The following LIMCH1 variants were observed in gnomAD, a reference collection of about 807,000 sequenced individuals.
LIMCH1 encodes LIM and calponin homology domains 1.
LIMCH1 carries 113 observed loss-of-function variants against 176.5 expected under a neutral mutation model. The observed-to-expected ratio is 0.64, with a 90% CI of 0.55 to 0.75. The LOEUF (loss-of-function observed/expected upper bound fraction) is 0.75. LIMCH1 is among the 30% of genes least tolerant of loss of function. The pLI is 0.00. For synonymous variants in LIMCH1, 619 were observed against 645.9 expected (o/e 0.96, Z 0.63); for missense variants, 1,674 against 1,814.9 (o/e 0.92, Z 1.41).
rs367865516 is a variant in LIMCH1 at position 41,460,006 on chromosome 4, A to C, written c.97-34530A>C. Among the ~76,000 whole-genome samples, 85 of 152,266 alleles carry C rather than the reference A, an allele frequency of 5.6e-4. No homozygotes were observed. In the East Asian group the frequency reaches 7.5e-3, roughly 14 times the overall value. Reference sequence around the variant, plus strand: ...TCTCACTGATGGATGAATATCAGTGAGACTTTCTTACCTGGAAGCCGACTG... The same window carrying C: ...TCTCACTGATGGATGAATATCAGTGCGACTTTCTTACCTGGAAGCCGACTG... On this transcript the variant is annotated intron_variant, in intron 1 of 26. Transcript: ENST00000313860.
At chr4:41,378,104 G>A (rs1271730480) in intron 1 of LIMCH1, among the ~76,000 whole-genome samples, 5 of 152,316 alleles carry the variant, frequency 3.3e-5, no homozygotes, top group Middle Eastern at 6.8e-3. Context: ...GCTAGACCTC[G>A]AAGGGAACAT....
At chr4:41,653,838 C>T (rs73813404) in intron 18 of LIMCH1, among the ~76,000 whole-genome samples, 4,390 of 152,346 alleles carry the variant, frequency 0.029, 216 homozygotes, top group African/African-American at 0.098. Context: ...CTGTCACTCT[C>T]TTACTTTAGA....
chr4:41,682,374 C>G lies in LIMCH1; in HGVS notation c.3759C>G (p.Asp1253Glu). Reference sequence around the variant, plus strand: ...GAAACTGTCAAGATGAAAAACAAGACAGAAGATGGAAGAAATCATTCCAGG... The same window carrying G: ...GAAACTGTCAAGATGAAAAACAAGAGAGAAGATGGAAGAAATCATTCCAGG... ...DLGNCQDEKQDRRWKKSFQGD... is the reference protein window; with the variant it reads ...DLGNCQDEKQERRWKKSFQGD... Residue 1253 changes from aspartate (D) to glutamate (E), a missense_variant, in exon 26 of 32, where the codon GAC becomes GAG. This residue lies in a region of LIMCH1 where 1,015 missense variants were observed against 1,102.5 expected (regional missense o/e 0.92). Coordinates refer to ENST00000503057, the MANE Select transcript of LIMCH1 (RefSeq NM_001330672.2). The G allele has an allele frequency of 6.2e-7, 1 of 1,612,466 alleles. No homozygotes were observed. The highest frequency in any genetic ancestry group is 1.7e-5 in the Admixed American group (1 of 59,972).
At chr4:41,419,282 A>AT (rs2060235051) in intron 1 of LIMCH1, among the ~76,000 whole-genome samples, 1 of 151,994 alleles carries the variant, frequency 6.6e-6, no homozygotes, top group South Asian at 2.1e-4. Context: ...GGTTCCACAG[A>AT]TTCTCCTGCC....
At chr4:41,469,665 G>GATTGATTTATTT (rs1554061021) in intron 1 of LIMCH1, among the ~76,000 whole-genome samples, 1 of 148,248 alleles carries the variant, frequency 6.7e-6, no homozygotes, top group African/African-American at 2.5e-5. Context: ...CTTGTTTTGA[G>GATTGATTTATTT]ATTTATTTAT....
rs1298834978 is a variant in LIMCH1, at chr4:41,664,396, G to A, written c.3291+1412G>A. Among the ~76,000 whole-genome samples, 3 of 152,318 alleles carry A rather than the reference G, an allele frequency of 2.0e-5. No homozygotes were observed. In the East Asian group the frequency reaches 5.8e-4, roughly 29 times the overall value. On this transcript the variant is annotated intron_variant, in intron 20 of 31. Coordinates refer to ENST00000503057, the MANE Select transcript of LIMCH1 (RefSeq NM_001330672.2). ...CCTGGCCTTAGGAGCTGAGAATTCT[G>A]TATCCTTGGTAGAGCCTCTAAAATG...
intron 1 of LIMCH1, among the ~76,000 whole-genome samples, chr4:41,430,803 G>T (rs1199696887): frequency 6.6e-6 from 1 of 152,142 alleles, no homozygotes; most frequent in African/African-American, 2.4e-5. Flanking sequence ...AAAATTGAAT[G>T]TGCCTAAGGA....
At chr4:41,402,867 G>C (rs1457151155) in intron 1 of LIMCH1, among the ~76,000 whole-genome samples, 3 of 150,962 alleles carry the variant, frequency 2.0e-5, no homozygotes, top group South Asian at 4.2e-4. Flanking sequence ...AGGAGATATA[G>C]CTAATGCTAA....
chr4:41,545,587 C>A (rs1340133201), intron 1 of LIMCH1, among the ~76,000 whole-genome samples: 2 of 152,264 alleles, frequency 1.3e-5, no homozygotes, highest in African/African-American at 4.8e-5. Flanking sequence ...ACATCCTCCC[C>A]CCAAACAGGC....
At chr4:41,589,736 C>T (rs1466972293) in intron 1 of LIMCH1, among the ~76,000 whole-genome samples, 1 of 152,170 alleles carries the variant, frequency 6.6e-6, no homozygotes, top group Non-Finnish European at 1.5e-5. Flanking sequence ...TCTGACCTCT[C>T]CCAGGAAATA....
intron 1 of LIMCH1, among the ~76,000 whole-genome samples, chr4:41,443,183 GTTTTTTTTCTT>G (rs2062881478): frequency 3.7e-5 from 1 of 27,392 alleles, no homozygotes; most frequent in African/African-American, 5.0e-4. Flanking sequence ...CATATTGGAT[GTTTTTTTTCTT>G]TTTTTTTTTT....
rs116777447 is a variant in LIMCH1, at chr4:41,685,692, T to C, written c.3968-18T>C. 2.4e-4 allele frequency: 381 copies of C among 1,613,022 alleles called. No homozygotes were observed. Among genetic ancestry groups the C allele is most frequent in the Non-Finnish European group, 3.0e-4 (348 of 1,179,310 alleles). ...GATTTTACTGTGCACTACATTTATG[T>C]TCTTTAATTGGCCTCAGATCCATCC... On this transcript the variant is annotated intron_variant, in intron 27 of 31. Coordinates refer to ENST00000503057, the MANE Select transcript of LIMCH1 (RefSeq NM_001330672.2).
chr4:41,600,789 C>T (rs1360106954), intron 2 of LIMCH1, among the ~76,000 whole-genome samples: 1 of 151,830 alleles, frequency 6.6e-6, no homozygotes, highest in Non-Finnish European at 1.5e-5. Flanking sequence ...GATGGAACAA[C>T]TGACTTGTAA....
intron 30 of LIMCH1, among the ~76,000 whole-genome samples, chr4:41,691,553 C>T (rs894660744): frequency 4.0e-5 from 6 of 149,836 alleles, no homozygotes; most frequent in Non-Finnish European, 8.9e-5. Flanking sequence ...TCGAGACCAG[C>T]CTGGCCAACA....
At chr4:41,647,999 T>G (rs1209854894) in intron 17 of LIMCH1, among the ~76,000 whole-genome samples, 1 of 152,150 alleles carries the variant, frequency 6.6e-6, no homozygotes, top group Non-Finnish European at 1.5e-5. Flanking sequence ...GCTCCTTAAA[T>G]AAATAAGTGA....
chr4:41,626,832 C>T lies in LIMCH1; in HGVS notation c.850C>T (p.Pro284Ser). 1 of 1,536,178 alleles carries T rather than the reference C, an allele frequency of 6.5e-7. No homozygotes were observed. The highest frequency in any genetic ancestry group is 8.7e-7 in the Non-Finnish European group (1 of 1,146,916). The change falls in exon 8 of 32, where the codon CCT (proline) becomes TCT (serine). Residue 284 changes from proline (P) to serine (S), a missense_variant. Pro to Ser is a moderately conservative substitution (Grantham distance 74). This residue lies in a region of LIMCH1 where 655 missense variants were observed against 692.2 expected (regional missense o/e 0.95). Coordinates refer to ENST00000503057, the MANE Select transcript of LIMCH1 (RefSeq NM_001330672.2). ...AGAAGGTGAAGTTGTGTGTCGACTG[C>T]CTGATCTTGAGAAGGATGACTTTGC... ...EAEGEVVCRL[P>S]DLEKDDFAAR...
At chr4:41,620,239 G>A in intron 6 of LIMCH1, 185 bp from the exon 7 acceptor site, 1 of 600,202 alleles carries the variant, frequency 1.7e-6, no homozygotes, top group South Asian at 2.4e-5. Context: ...CAATGTTGCG[G>A]GTATGATGCA....
intron 1 of LIMCH1, among the ~76,000 whole-genome samples, chr4:41,395,520 G>A (rs970104729): frequency 3.1e-4 from 47 of 152,086 alleles, no homozygotes; most frequent in African/African-American, 1.1e-3. Context: ...TGTGATTACA[G>A]GCATGAGCCA....
intron 28 of LIMCH1, among the ~76,000 whole-genome samples, chr4:41,687,600 T>C (rs1721933025): frequency 6.6e-6 from 1 of 152,116 alleles, no homozygotes; most frequent in Non-Finnish European, 1.5e-5. Context: ...TGTTCAGCAA[T>C]GCCAGCATGC....
Sources: gnomAD v4.1 joint callset for allele counts (sites outside exome capture counted in the v4.1 genomes callset) on GRCh38, gnomAD v4.1.1 for gene constraint, gnomAD v4.1.1 regional missense constraint, MANE v1.5 for transcripts, NCBI Gene and HGNC (gene_info 2026-07-23, HGNC 2026-07-21) for gene names.